RBPMS: variants seen among roughly 807,000 people sequenced by gnomAD.
RBPMS encodes the protein RNA binding protein, mRNA processing factor, also known as RNA-binding protein with multiple splicing.
In RBPMS, 7 loss-of-function variants were observed where a neutral mutation model predicts 26.8. That is an observed-to-expected ratio of 0.26 (90% CI 0.15 to 0.49). The LOEUF (loss-of-function observed/expected upper bound fraction) is 0.49. RBPMS is among the 20% of genes least tolerant of loss of function. The pLI, the probability that RBPMS is intolerant of heterozygous loss-of-function variation, is 0.98. For missense variants in RBPMS, 186 were observed against 250.0 expected, an observed-to-expected ratio of 0.74 and a Z score of 1.73; for synonymous variants, 96 against 93.3, an observed-to-expected ratio of 1.03 and a Z score of -0.17.
At chr8:30,549,824 CTCTTTT>C (rs1384259953) in intron 6 of RBPMS, among the ~76,000 whole-genome samples, 20 of 126,140 alleles carry the variant, frequency 1.6e-4, no homozygotes, top group Non-Finnish European at 3.1e-4. Context: ...CTCTCTCTCT[CTCTTTT>C]CTTTCTTTTC....
intron 1 of RBPMS, among the ~76,000 whole-genome samples, chr8:30,470,533 G>A (rs771380101): frequency 1.3e-5 from 2 of 152,128 alleles, no homozygotes; most frequent in Non-Finnish European, 2.9e-5. Flanking sequence ...AGGACTCCAA[G>A]CACATTATGT....
At chr8:30,561,907 C>T in intron 7 of RBPMS, 2 of 985,320 alleles carry the variant, frequency 2.0e-6, no homozygotes, top group Non-Finnish European at 2.4e-6. Flanking sequence ...TCATTTGTAT[C>T]TGCTCACCTA....
chr8:30,445,707 G>A (rs1287663415), intron 1 of RBPMS, among the ~76,000 whole-genome samples: 2 of 130,436 alleles, frequency 1.5e-5, no homozygotes, highest in East Asian at 2.3e-4. Flanking sequence ...TTGCACTGTC[G>A]CCTAGGCTAG....
At chr8:30,478,741 G>T (rs184218725) in intron 3 of RBPMS, among the ~76,000 whole-genome samples, 46 of 152,056 alleles carry the variant, frequency 3.0e-4, no homozygotes, top group Non-Finnish European at 3.7e-4. Flanking sequence ...CTCGTGATCC[G>T]CCCACCTTGG....
chr8:30,432,181 A>G (rs1422159720), intron 1 of RBPMS, among the ~76,000 whole-genome samples: 1 of 152,148 alleles, frequency 6.6e-6, no homozygotes, highest in Non-Finnish European at 1.5e-5. Flanking sequence ...TTTCTTTTGA[A>G]CCAACCAATC....
intron 5 of RBPMS, among the ~76,000 whole-genome samples, chr8:30,527,129 A>G (rs1823671581): frequency 1.3e-5 from 2 of 152,200 alleles, no homozygotes; most frequent in Admixed American, 6.5e-5. Flanking sequence ...TCATCTAAAG[A>G]TACTCTGTTG....
chr8:30,489,484 C>A (rs565616957), intron 4 of RBPMS, among the ~76,000 whole-genome samples: 1 of 152,178 alleles, frequency 6.6e-6, no homozygotes, highest in Non-Finnish European at 1.5e-5. Flanking sequence ...TCGAGACAGT[C>A]TCGCTCTGTC....
In RBPMS at chr8:30,385,125, C is replaced by A; in HGVS notation, c.33C>A (p.Asn11Lys). 6.5e-7 allele frequency: 1 copy of A among 1,528,524 alleles called. No individual in the cohort carries two copies. The highest frequency in any genetic ancestry group is 2.7e-5 in the East Asian group (1 of 37,348). The allele number at this position is 1,528,524 out of a possible 1,614,324, so 94.7% of individuals were successfully genotyped here. ...ACGGCGGCAAAGCCGAGAAGGAGAA[C>A]ACCCCGAGCGAGGCCAACCTTCAGG... MNNGGKAEKE[N>K]TPSEANLQEE... Residue 11 changes from asparagine to lysine, a missense_variant, in exon 1 of 9, where the codon AAC (asparagine) becomes AAA (lysine). Asn to Lys is a moderately conservative substitution (Grantham distance 94, BLOSUM62 0). Coordinates refer to ENST00000397323, the MANE Select transcript of RBPMS (RefSeq NM_001008710.3).
intron 6 of RBPMS, chr8:30,545,068 G>T: frequency 7.2e-7 from 1 of 1,380,434 alleles, no homozygotes; most frequent in Non-Finnish European, 9.4e-7. Context: ...ACGGTGAGAA[G>T]AATCTCTGAC....
chr8:30,472,672 A>G (rs1041499804), intron 1 of RBPMS, among the ~76,000 whole-genome samples: 2 of 152,256 alleles, frequency 1.3e-5, no homozygotes, highest in Admixed American at 1.3e-4. Context: ...TATCAAACAT[A>G]CTTACATGCA....
intron 5 of RBPMS, among the ~76,000 whole-genome samples, chr8:30,527,949 G>A (rs761486944): frequency 5.3e-5 from 8 of 152,304 alleles, no homozygotes; most frequent in South Asian, 4.1e-4. Flanking sequence ...GCCAAGGCGG[G>A]TGGATCACCT....
At position 30,566,270 on chromosome 8, in the gene RBPMS, G is replaced by A. The variant is rs1827881691; in HGVS notation, c.*21G>A. The A allele has an allele frequency of 1.0e-6, 1 of 985,888 alleles. No homozygotes were observed. The highest frequency in any genetic ancestry group is 1.7e-5 in the African/African-American group (1 of 57,254). 61.1% of individuals were successfully genotyped at this position (985,888 alleles called of 1,614,324 possible). On this transcript the variant is annotated 3_prime_UTR_variant, in exon 8 of 9. Transcript: ENST00000397323. Reference sequence around the variant, plus strand: ...TCTCCATCCCAGGTCCCAGGTGTGTGATGGCGGCTGCAATCTGTCTTGTGG... The same window carrying A: ...TCTCCATCCCAGGTCCCAGGTGTGTAATGGCGGCTGCAATCTGTCTTGTGG...
intron 5 of RBPMS, among the ~76,000 whole-genome samples, chr8:30,537,382 T>G (rs1044616783): frequency 6.6e-6 from 1 of 152,180 alleles, no homozygotes; most frequent in Non-Finnish European, 1.5e-5. Context: ...GGCATATTTA[T>G]TTTGGGGTCT....
intron 1 of RBPMS, among the ~76,000 whole-genome samples, chr8:30,438,698 C>G (rs1174204329): frequency 2.0e-5 from 3 of 152,156 alleles, no homozygotes; most frequent in African/African-American, 7.2e-5. Context: ...ATTAGATAGG[C>G]TTGATGTCCC....
rs146969870 is a variant in RBPMS, at chr8:30,431,869, C to A, written c.67-42910C>A. ...GGCATTGTGGCTCACACCTATAATC[C>A]CAGTACTTTGGGAGGCCGAGGTGGG... is the stretch of plus-strand genomic sequence containing the variant. On this transcript the variant is annotated intron_variant, in intron 1 of 8. Transcript: ENST00000397323. 2.5e-4 allele frequency among the ~76,000 whole-genome samples: 38 copies of A among 152,042 alleles called. 1 individual carries two copies. The highest frequency in any genetic ancestry group is 8.9e-4 in the African/African-American group (37 of 41,500).
intron 1 of RBPMS, among the ~76,000 whole-genome samples, chr8:30,411,973 G>A (rs1442839477): frequency 3.5e-5 from 5 of 141,610 alleles, no homozygotes; most frequent in African/African-American, 1.3e-4. Context: ...GCAATAGAGT[G>A]AGACTTCGTC....
chr8:30,556,317 A>C, intron 6 of RBPMS: 1 of 985,648 alleles, frequency 1.0e-6, no homozygotes, highest in Non-Finnish European at 1.2e-6. Context: ...CGCCTCGACC[A>C]GGCTGACGAG....
At chr8:30,447,852 G>T (rs1695309702) in intron 1 of RBPMS, among the ~76,000 whole-genome samples, 1 of 151,988 alleles carries the variant, frequency 6.6e-6, no homozygotes, top group Admixed American at 6.5e-5. Context: ...GTAATTTGGG[G>T]AATTTTAAAA....
chr8:30,547,376 G>A, intron 6 of RBPMS: 4 of 1,613,418 alleles, frequency 2.5e-6, no homozygotes, highest in Non-Finnish European at 3.4e-6. Flanking sequence ...GAATGTGTTT[G>A]TAACATACCA....
Sources: gnomAD v4.1 joint callset for allele counts (sites outside exome capture counted in the v4.1 genomes callset) on GRCh38, gnomAD v4.1.1 for gene constraint, MANE v1.5 for transcripts, NCBI Gene and HGNC (gene_info 2026-07-23, HGNC 2026-07-21) for gene names.